The following NXPE4 variants were observed in gnomAD, a reference collection of about 807,000 sequenced individuals.
NXPE4 encodes the protein NXPE family member 4.
NXPE4 carries 42 observed loss-of-function variants against 33.3 expected under a neutral mutation model. The observed-to-expected ratio is 1.26, with a 90% confidence interval of 0.98 to 1.63. The LOEUF (loss-of-function observed/expected upper bound fraction) is 1.63. NXPE4 is among the 40% of genes most tolerant of loss of function. The probability of loss-of-function intolerance (pLI) is 0.00; values close to 1 mark genes in which losing one functional copy is unlikely to be tolerated. For synonymous variants in NXPE4, 253 were observed against 234.9 expected, an observed-to-expected ratio of 1.08 and a Z score of -0.71; for missense variants, 709 against 647.6, an observed-to-expected ratio of 1.09 and a Z score of -1.03.
chr11:114,661,838 GA>G, the NXPE4 span, among the ~76,000 whole-genome samples: 5 of 152,002 alleles, frequency 3.3e-5, no homozygotes, highest in East Asian at 1.9e-4. Context: ...GAGGTTGACA[GA>G]AAAAAAATTA....
At chr11:114,611,344 G>A in the NXPE4 span, among the ~76,000 whole-genome samples, 3 of 151,062 alleles carry the variant, frequency 2.0e-5, no homozygotes, top group Admixed American at 6.6e-5. Context: ...TTGCCTCATG[G>A]GTAACCACTG....
At chr11:114,645,651 C>G in the NXPE4 span, among the ~76,000 whole-genome samples, 3 of 151,796 alleles carry the variant, frequency 2.0e-5, no homozygotes, top group African/African-American at 7.3e-5. Flanking sequence ...CCAAAGTTAG[C>G]AAAGAACTCC....
At chr11:114,625,446 G>T in the NXPE4 span, among the ~76,000 whole-genome samples, 1 of 152,134 alleles carries the variant, frequency 6.6e-6, no homozygotes, top group Non-Finnish European at 1.5e-5. Context: ...AATAAGTATT[G>T]CCTCTTGGGT....
At chr11:114,605,214 C>T in the NXPE4 span, among the ~76,000 whole-genome samples, 1 of 152,032 alleles carries the variant, frequency 6.6e-6, no homozygotes, top group East Asian at 1.9e-4. Context: ...TAAGTATTGC[C>T]TCGTGGGTAA....
chr11:114,636,850 T>G, the NXPE4 span, among the ~76,000 whole-genome samples: 2 of 152,156 alleles, frequency 1.3e-5, no homozygotes, highest in African/African-American at 2.4e-5. Flanking sequence ...ATTTCTGTTC[T>G]TTTACATTTT....
intron 2 of NXPE4, among the ~76,000 whole-genome samples, chr11:114,588,031 C>G (rs1472771076): frequency 6.6e-6 from 1 of 152,132 alleles, no homozygotes; most frequent in Non-Finnish European, 1.5e-5. Context: ...TGTGAGACAA[C>G]CCAGAACTTT....
chr11:114,580,216 C>T lies in NXPE4; in HGVS notation c.1015G>A (p.Glu339Lys), dbSNP rs146762490. Residue 339 changes from glutamate to lysine, a missense_variant, in exon 5 of 6, where the codon GAA becomes AAA. By Grantham distance (56) the Glu-to-Lys change is moderately conservative (BLOSUM62 1). Coordinates refer to ENST00000375478, the MANE Select transcript of NXPE4 (RefSeq NM_001077639.2). ...TATATGAGTTTTCCTCTCAGGCATT[C>T]CTTCATTTTGACTGTAGCCAAACTA... ...SCSLATVKMK[E>K]CLRGKLIYLM... is the part of the protein sequence containing the mutation. 3 of 1,614,038 alleles carry T rather than the reference C, an allele frequency of 1.9e-6. No homozygotes were observed. The highest frequency in any genetic ancestry group is 2.5e-6 in the Non-Finnish European group (3 of 1,179,950).
chr11:114,657,744 A>G, the NXPE4 span, among the ~76,000 whole-genome samples: 3 of 152,170 alleles, frequency 2.0e-5, no homozygotes. Context: ...GTACAAAGAA[A>G]AAAAGATATA....
chr11:114,631,756 G>A, the NXPE4 span, among the ~76,000 whole-genome samples: 33 of 151,132 alleles, frequency 2.2e-4, no homozygotes, highest in Middle Eastern at 3.4e-3. Flanking sequence ...ACTGTCACCC[G>A]GTGGATAATA....
chr11:114,667,132 A>T, the NXPE4 span, among the ~76,000 whole-genome samples: 2 of 152,126 alleles, frequency 1.3e-5, no homozygotes, highest in African/African-American at 4.8e-5. Flanking sequence ...AGTTATCTGT[A>T]TACATGAAGA....
chr11:114,625,199 G>A, the NXPE4 span, among the ~76,000 whole-genome samples: 17 of 151,864 alleles, frequency 1.1e-4, no homozygotes, highest in Non-Finnish European at 2.1e-4. Flanking sequence ...GTGTGGCCTT[G>A]TGGGTAACCA....
the NXPE4 span, among the ~76,000 whole-genome samples, chr11:114,601,784 AACATG>A: frequency 1.5e-4 from 11 of 72,186 alleles, no homozygotes; most frequent in African/African-American, 6.4e-4. Context: ...ATAATTATAT[AACATG>A]TGATATATGA....
the NXPE4 span, among the ~76,000 whole-genome samples, chr11:114,602,067 T>G: frequency 1.1e-5 from 1 of 93,516 alleles, no homozygotes; most frequent in African/African-American, 4.4e-5. Flanking sequence ...TATATTATAA[T>G]ATATATTCTA....
At chr11:114,640,777 A>T in the NXPE4 span, among the ~76,000 whole-genome samples, 1 of 151,906 alleles carries the variant, frequency 6.6e-6, no homozygotes, top group Non-Finnish European at 1.5e-5. Context: ...GTGTCCATGT[A>T]ATTTACTCAC....
At chr11:114,636,300 G>T in the NXPE4 span, among the ~76,000 whole-genome samples, 10 of 151,846 alleles carry the variant, frequency 6.6e-5, no homozygotes, top group Non-Finnish European at 1.5e-4. Context: ...CTGTGAGATC[G>T]GTGGTGATAT....
At chr11:114,669,381 A>C in the NXPE4 span, among the ~76,000 whole-genome samples, 1 of 152,068 alleles carries the variant, frequency 6.6e-6, no homozygotes. Flanking sequence ...TGGCAGGTGC[A>C]ATCAAGAAGA....
chr11:114,611,529 G>A, the NXPE4 span, among the ~76,000 whole-genome samples: 26 of 151,814 alleles, frequency 1.7e-4, no homozygotes, highest in Admixed American at 3.9e-4. Flanking sequence ...ACTGTTACCC[G>A]GTTTATAATA....
Position 114,594,748 on chromosome 11 carries a change from A to G in NXPE4, c.12T>C (p.Ser4=). The G allele has an allele frequency of 6.5e-7, 1 of 1,541,588 alleles. No homozygotes were observed. The highest frequency in any genetic ancestry group is 8.9e-7 in the Non-Finnish European group (1 of 1,120,478). Residue 4 remains serine (S), a synonymous_variant, in exon 2 of 6, where the codon AGT becomes AGC. Transcript: ENST00000375478. ...CCAATAGTGACTTATAATTTATCAT[A>G]CTTATTTTCATGATTAGGATCCTAC... The part of the protein sequence containing the change: MKI[S]MINYKSLLAL...
chr11:114,601,763 G>T, the NXPE4 span, among the ~76,000 whole-genome samples: 2 of 66,772 alleles, frequency 3.0e-5, no homozygotes, highest in Admixed American at 2.8e-4. Flanking sequence ...ATATATATGT[G>T]ATTATATATT....
Sources: gnomAD v4.1 joint callset for allele counts (sites outside exome capture counted in the v4.1 genomes callset) on GRCh38, gnomAD v4.1.1 for gene constraint, MANE v1.5 for transcripts, NCBI Gene and HGNC (gene_info 2026-07-23, HGNC 2026-07-21) for gene names.